Variants in CNBD1 observed in about 807,000 individuals in gnomAD.
The protein encoded by CNBD1 is cyclic nucleotide-binding domain-containing protein 1.
A neutral mutation model predicts 54.4 loss-of-function variants in CNBD1; 71 were observed. The ratio of observed to expected loss-of-function variants is 1.30; its 90% CI spans 1.08 to 1.59. The LOEUF (loss-of-function observed/expected upper bound fraction) is 1.59, where lower values mean the gene tolerates loss of function less well. CNBD1 is among the 40% of genes most tolerant of loss of function. The probability of loss-of-function intolerance (pLI) is 0.00; values close to 1 mark genes in which losing one functional copy is unlikely to be tolerated. For synonymous variants in CNBD1, 182 were observed against 170.7 expected (o/e 1.07, Z -0.51); for missense variants, 659 against 518.0 (o/e 1.27, Z -2.64).
rs562045411 is a variant in CNBD1, at chr8:87,262,957, T to C, written c.772-21721T>C. Among the ~76,000 whole-genome samples, 89 of 152,254 alleles carry C rather than the reference T, an allele frequency of 5.8e-4. 1 individual carries two copies. The highest frequency in any genetic ancestry group is 2.0e-3 in the African/African-American group (84 of 41,564). ...AATGCATCTGATAGCTTCAGTTTAA[T>C]GCTATGAATAGAGTGACTAAAGTAA... is the stretch of plus-strand genomic sequence containing the variant. On this transcript the variant is annotated intron_variant, in intron 6 of 10. Transcript: ENST00000518476.
chr8:87,354,456 G>T (rs1028252955), intron 10 of CNBD1, among the ~76,000 whole-genome samples: 1 of 151,814 alleles, frequency 6.6e-6, no homozygotes, highest in Non-Finnish European at 1.5e-5. Context: ...TGCACAACGT[G>T]CAGGTTTGTT....
At chr8:87,007,612 C>T (rs1371613826) in intron 4 of CNBD1, among the ~76,000 whole-genome samples, 1 of 152,002 alleles carries the variant, frequency 6.6e-6, no homozygotes, top group East Asian at 1.9e-4. Context: ...AAATGCTTCC[C>T]ATCTTGATTT....
At chr8:87,195,865 G>A (rs142906291) in intron 4 of CNBD1, among the ~76,000 whole-genome samples, 1 of 152,078 alleles carries the variant, frequency 6.6e-6, no homozygotes, top group Non-Finnish European at 1.5e-5. Flanking sequence ...GAGCTACCAC[G>A]CCCGACTTAA....
intron 2 of CNBD1, among the ~76,000 whole-genome samples, chr8:87,390,700 A>C (rs1214626717): frequency 6.6e-6 from 1 of 152,156 alleles, no homozygotes; most frequent in Non-Finnish European, 1.5e-5. Context: ...TCAGGGATCT[A>C]GAACTAGAAA....
intron 8 of CNBD1, among the ~76,000 whole-genome samples, chr8:87,294,916 T>G (rs1303321602): frequency 6.6e-6 from 1 of 152,082 alleles, no homozygotes; most frequent in Non-Finnish European, 1.5e-5. Context: ...TAAGATTACT[T>G]AAATATAATC....
intron 9 of CNBD1, among the ~76,000 whole-genome samples, chr8:87,353,384 A>G (rs529148393): frequency 6.6e-6 from 1 of 152,286 alleles, no homozygotes; most frequent in South Asian, 2.1e-4. Flanking sequence ...TTTCCTAAAC[A>G]TCTTTGTGGA....
chr8:86,956,866 G>T (rs1807785821), intron 4 of CNBD1, among the ~76,000 whole-genome samples: 1 of 152,178 alleles, frequency 6.6e-6, no homozygotes, highest in Admixed American at 6.5e-5. Flanking sequence ...CCAACACTCT[G>T]TTGAACAGGA....
At chr8:87,301,875 C>G (rs569214978) in intron 8 of CNBD1, among the ~76,000 whole-genome samples, 1 of 152,256 alleles carries the variant, frequency 6.6e-6, no homozygotes, top group East Asian at 1.9e-4. Context: ...TGCAAATAAA[C>G]TAGAAAATCT....
At chr8:86,917,025 C>T (rs150351511) in intron 3 of CNBD1, among the ~76,000 whole-genome samples, 51 of 152,134 alleles carry the variant, frequency 3.4e-4, no homozygotes, top group Middle Eastern at 3.4e-3. Context: ...CAAGCACCAC[C>T]GTGCCCAGCT....
chr8:87,242,192 C>T (rs1315588659), intron 6 of CNBD1, among the ~76,000 whole-genome samples: 2 of 152,054 alleles, frequency 1.3e-5, no homozygotes, highest in Admixed American at 1.3e-4. Flanking sequence ...AGTATTTTAC[C>T]CCAAAATATA....
rs116734136 is a variant in CNBD1, at chr8:87,167,422, C to T, written c.432-38571C>T. On this transcript the variant is annotated intron_variant, in intron 4 of 10. Transcript: ENST00000518476. ...AAATTGTTGTTATGATCATTCTATA[C>T]ATCCTTCAGTGTATAGAACACTAGA... is the stretch of plus-strand genomic sequence containing the variant. 4.5e-3 allele frequency among the ~76,000 whole-genome samples: 685 copies of T among 152,030 alleles called. 3 individuals are homozygous for T. The highest frequency in any genetic ancestry group is 0.016 in the African/African-American group (652 of 41,510).
chr8:87,380,079 G>A (rs1014106705), intron 10 of CNBD1, among the ~76,000 whole-genome samples: 2 of 151,728 alleles, frequency 1.3e-5, no homozygotes, highest in Non-Finnish European at 2.9e-5. Flanking sequence ...TTAGACAAAG[G>A]AACCAAATAT....
chr8:87,182,959 G>T lies in CNBD1; in HGVS notation c.432-23034G>T, dbSNP rs914913855. 6.6e-6 allele frequency among the ~76,000 whole-genome samples: 1 copy of T among 152,094 alleles called. No homozygotes were observed. The highest frequency in any genetic ancestry group is 6.5e-5 in the Admixed American group (1 of 15,268). On this transcript the variant is annotated intron_variant, in intron 4 of 10. Transcript: ENST00000518476. The surrounding 1 kb of genome is among the most constrained non-coding windows in gnomAD (Gnocchi z 4.1). The stretch of plus-strand genomic sequence containing the variant: ...TGTTACAATTGCTTTTGGAGACTTT[G>T]ACATGAAATTTTTGCTAAGTCCTAT...
intron 1 of CNBD1, among the ~76,000 whole-genome samples, chr8:86,868,895 C>G (rs1808401336): frequency 6.6e-6 from 1 of 151,770 alleles, no homozygotes; most frequent in South Asian, 2.1e-4. Flanking sequence ...TCCGGTTTGT[C>G]TGGGTACCAG....
At chr8:87,341,812 T>C (rs1810069214) in intron 8 of CNBD1, among the ~76,000 whole-genome samples, 1 of 152,220 alleles carries the variant, frequency 6.6e-6, no homozygotes, top group Non-Finnish European at 1.5e-5. Flanking sequence ...TTGATATTGG[T>C]CTTATCAGCT....
chr8:87,092,044 A>T (rs976375981), intron 4 of CNBD1, among the ~76,000 whole-genome samples: 3 of 152,180 alleles, frequency 2.0e-5, no homozygotes, highest in Admixed American at 6.5e-5. Context: ...GGTTATATTT[A>T]TTTCATATTA....
At chr8:87,377,848 A>G (rs76304353) in intron 10 of CNBD1, among the ~76,000 whole-genome samples, 40,393 of 150,346 alleles carry the variant, frequency 0.27, 6,299 homozygotes, top group Middle Eastern at 0.41. Flanking sequence ...TGCCATTCTA[A>G]CTGGTGTGAG....
intron 4 of CNBD1, among the ~76,000 whole-genome samples, chr8:87,048,134 G>T (rs1037691288): frequency 6.6e-6 from 1 of 152,064 alleles, no homozygotes; most frequent in African/African-American, 2.4e-5. Context: ...GCAAATCGGG[G>T]TCTAGAGAAG....
intron 3 of CNBD1, among the ~76,000 whole-genome samples, chr8:86,910,916 T>G (rs996075068): frequency 6.6e-5 from 10 of 152,196 alleles, no homozygotes; most frequent in Admixed American, 3.9e-4. Context: ...GAGGTGGTGT[T>G]TGATTTACAC....
Sources: gnomAD v4.1 joint callset for allele counts (sites outside exome capture counted in the v4.1 genomes callset) on GRCh38, gnomAD v4.1.1 for gene constraint, Gnocchi (gnomAD v3.1) non-coding constraint, MANE v1.5 for transcripts, NCBI Gene and HGNC (gene_info 2026-07-23, HGNC 2026-07-21) for gene names.